PRELID2: variants seen among roughly 807,000 people sequenced by gnomAD.
The protein encoded by PRELID2 is PRELI domain-containing protein 2.
In PRELID2, 25 loss-of-function variants were observed where a neutral mutation model predicts 28.4. The observed-to-expected ratio is 0.88, with a 90% CI of 0.64 to 1.23. PRELID2 has a LOEUF of 1.23. Ranked by LOEUF, PRELID2 falls within the 50% of genes most tolerant of loss-of-function variation. The pLI, the probability that PRELID2 is intolerant of heterozygous loss-of-function variation, is 0.00. For synonymous variants in PRELID2, 76 were observed against 71.6 expected, an observed-to-expected ratio of 1.06 and a Z score of -0.31; for missense variants, 201 against 214.4, an observed-to-expected ratio of 0.94 and a Z score of 0.39.
chr5:145,237,675 A>T, the PRELID2 span, among the ~76,000 whole-genome samples: 1 of 152,102 alleles, frequency 6.6e-6, no homozygotes, highest in Non-Finnish European at 1.5e-5. Flanking sequence ...CCTTCTAAAG[A>T]TTCATTCCCT....
chr5:145,780,859 C>CA (rs1751535813), intron 5 of PRELID2, among the ~76,000 whole-genome samples: 1 of 152,104 alleles, frequency 6.6e-6, no homozygotes, highest in South Asian at 2.1e-4. Flanking sequence ...ACTTAACTCT[C>CA]AAAAAGCCAC....
In PRELID2 at chr5:145,703,395, T is replaced by C. The variant is rs111515360; in HGVS notation, n.70+61536A>G. Among the ~76,000 whole-genome samples the C allele has an allele frequency of 1.2e-3, 178 of 152,300 alleles. 1 individual carries two copies. Among genetic ancestry groups the C allele is most frequent in the Non-Finnish European group, 2.5e-3 (167 of 68,018 alleles). ...CCATAGGGATTGTTCCATCATCAGA[T>C]TCCATGTGGTAGACATGCCCCAAAT... On this transcript the variant is annotated intron_variant and non_coding_transcript_variant, in intron 1 of 2. Transcript: ENST00000510259.
intron 6 of PRELID2, among the ~76,000 whole-genome samples, chr5:145,764,526 C>T (rs889039871): frequency 6.6e-6 from 1 of 152,192 alleles, no homozygotes; most frequent in East Asian, 1.9e-4. Context: ...GTTTCACTGG[C>T]CAATCAACAT....
At chr5:145,681,266 GA>G (rs1256879992) in intron 1 of PRELID2, among the ~76,000 whole-genome samples, 3 of 152,170 alleles carry the variant, frequency 2.0e-5, no homozygotes, top group Non-Finnish European at 4.4e-5. Context: ...TACTGAGATG[GA>G]AATTTTTCTC....
chr5:145,507,378 C>T (rs547259147), intron 1 of PRELID2, among the ~76,000 whole-genome samples: 1 of 152,178 alleles, frequency 6.6e-6, no homozygotes, highest in South Asian at 2.1e-4. Context: ...AGGGATTAAA[C>T]TAGGTGATGC....
At position 145,492,225 on chromosome 5, in the gene PRELID2, T is replaced by C. The variant is rs144030342; in HGVS notation, n.71-18910A>G. On this transcript the variant is annotated intron_variant and non_coding_transcript_variant, in intron 1 of 2. Coordinates refer to the PRELID2 transcript ENST00000510259. Reference sequence around the variant, plus strand: ...TATCTTTTGTCGCTTTGATACAAGATGTGAGGTGGTATCTCATTGTAGTTT... The same window carrying C: ...TATCTTTTGTCGCTTTGATACAAGACGTGAGGTGGTATCTCATTGTAGTTT... 2.3e-3 allele frequency among the ~76,000 whole-genome samples: 355 copies of C among 152,336 alleles called. 1 individual carries two copies. Among genetic ancestry groups the C allele is most frequent in the African/African-American group, 8.0e-3 (334 of 41,594 alleles).
At chr5:145,544,087 G>A (rs184473681) in intron 1 of PRELID2, among the ~76,000 whole-genome samples, 70 of 152,094 alleles carry the variant, frequency 4.6e-4, no homozygotes, top group Admixed American at 3.1e-3. Context: ...TACAGAAGAG[G>A]AAGGTGAGGG....
the PRELID2 span, among the ~76,000 whole-genome samples, chr5:145,300,409 T>C: frequency 6.6e-6 from 1 of 152,110 alleles, no homozygotes; most frequent in Admixed American, 6.6e-5. Context: ...CTTTTTAGTA[T>C]AAAAAGTTTA....
chr5:145,502,336 A>C (rs1752366975), intron 1 of PRELID2, among the ~76,000 whole-genome samples: 1 of 152,232 alleles, frequency 6.6e-6, no homozygotes, highest in South Asian at 2.1e-4. Context: ...GTGCTAACCC[A>C]TTCATGATAA....
intron 1 of PRELID2, among the ~76,000 whole-genome samples, chr5:145,523,172 A>G: frequency 6.6e-6 from 1 of 152,222 alleles, no homozygotes; most frequent in East Asian, 1.9e-4. Flanking sequence ...TATATGACTC[A>G]GAAAGTGGTT....
the PRELID2 span, among the ~76,000 whole-genome samples, chr5:145,392,528 CGT>C: frequency 6.6e-6 from 1 of 152,018 alleles, no homozygotes; most frequent in African/African-American, 2.4e-5. Flanking sequence ...ACACAGAGAG[CGT>C]ATGTAGTAAA....
intron 1 of PRELID2, among the ~76,000 whole-genome samples, chr5:145,648,767 C>A (rs921666071): frequency 1.3e-5 from 2 of 149,600 alleles, no homozygotes; most frequent in African/African-American, 4.9e-5. Context: ...CTGAGCCACC[C>A]CTTATAGGTA....
At chr5:145,298,908 T>C in the PRELID2 span, among the ~76,000 whole-genome samples, 2 of 152,206 alleles carry the variant, frequency 1.3e-5, no homozygotes, top group Admixed American at 1.3e-4. Flanking sequence ...TGTGAGACAG[T>C]ATTTTAAATA....
chr5:145,650,227 T>A (rs1279717389), intron 1 of PRELID2, among the ~76,000 whole-genome samples: 1 of 152,112 alleles, frequency 6.6e-6, no homozygotes, highest in Non-Finnish European at 1.5e-5. Flanking sequence ...TGAGGATTCT[T>A]AATGCTAAAT....
chr5:145,310,894 A>G, the PRELID2 span, among the ~76,000 whole-genome samples: 2 of 152,050 alleles, frequency 1.3e-5, no homozygotes, highest in East Asian at 1.9e-4. Flanking sequence ...AAAAATTCCA[A>G]TCTTCCCTTG....
chr5:145,422,681 C>G, the PRELID2 span, among the ~76,000 whole-genome samples: 4 of 152,136 alleles, frequency 2.6e-5, no homozygotes, highest in Admixed American at 6.6e-5. Context: ...GGTCTTGACT[C>G]TTTATCCAAT....
intron 1 of PRELID2, among the ~76,000 whole-genome samples, chr5:145,713,443 CAT>C (rs1299153017): frequency 7.2e-6 from 1 of 138,428 alleles, no homozygotes; most frequent in Non-Finnish European, 1.5e-5. Context: ...TATATATATA[CAT>C]ATATATGTAT....
chr5:145,409,637 G>A, the PRELID2 span, among the ~76,000 whole-genome samples: 2 of 151,878 alleles, frequency 1.3e-5, no homozygotes, highest in African/African-American at 4.8e-5. Flanking sequence ...GAGAGGGCCA[G>A]GTGTGGTGGC....
the PRELID2 span, among the ~76,000 whole-genome samples, chr5:145,341,263 G>T: frequency 3.3e-5 from 5 of 151,522 alleles, no homozygotes; most frequent in African/African-American, 7.3e-5. Flanking sequence ...CAATCAAAAA[G>T]AAATTTTTAA....
Sources: allele counts gnomAD v4.1 joint callset (sites outside exome capture counted in the v4.1 genomes callset), GRCh38; gene constraint gnomAD v4.1.1; transcripts MANE v1.5; gene names NCBI Gene and HGNC (gene_info 2026-07-23, HGNC 2026-07-21).